SPTBN1: variants seen among roughly 807,000 people sequenced by gnomAD.
The protein encoded by SPTBN1 is spectrin beta, non-erythrocytic 1.
In SPTBN1, 32 loss-of-function variants were observed where a neutral mutation model predicts 266.4. The observed-to-expected ratio is 0.12, with a 90% CI of 0.09 to 0.16. The LOEUF (loss-of-function observed/expected upper bound fraction) is 0.16. SPTBN1 is among the 10% of genes least tolerant of loss of function. The pLI, the probability that SPTBN1 is intolerant of heterozygous loss-of-function variation, is 1.00. For synonymous variants in SPTBN1, 1,336 were observed against 1,162.2 expected (o/e 1.15, Z -3.04); for missense variants, 2,296 against 3,067.1 (o/e 0.75, Z 5.94).
chr2:54,466,465 G>A (rs1347968607), intron 1 of SPTBN1, among the ~76,000 whole-genome samples: 1 of 46,860 alleles, frequency 2.1e-5, no homozygotes, highest in South Asian at 6.1e-4. Context: ...GGGAGGCTGA[G>A]GCAGGAGAAT....
chr2:54,462,937 C>A (rs138320976), intron 1 of SPTBN1, among the ~76,000 whole-genome samples: 1 of 152,316 alleles, frequency 6.6e-6, no homozygotes, highest in South Asian at 2.1e-4. Flanking sequence ...GCAGTAACTA[C>A]CACTCGATTA....
At chr2:54,624,305 A>AT (rs544202390) in intron 10 of SPTBN1, among the ~76,000 whole-genome samples, 59 of 147,534 alleles carry the variant, frequency 4.0e-4, no homozygotes, top group African/African-American at 5.7e-4. Flanking sequence ...GGAAGGTTTG[A>AT]TTTTTTTTTT....
chr2:54,545,519 C>A (rs919140064), intron 2 of SPTBN1: 1 of 152,134 alleles, frequency 6.6e-6, no homozygotes, highest in Admixed American at 6.5e-5. Flanking sequence ...TTTAACAAGC[C>A]TACTATTCTA....
intron 26 of SPTBN1, 106 bp downstream of exon 26, chr2:54,650,095 C>A: frequency 7.0e-7 from 1 of 1,425,752 alleles, no homozygotes; most frequent in Non-Finnish European, 9.4e-7. Flanking sequence ...AAAAGAATTG[C>A]CCCAATTAAG....
intron 1 of SPTBN1, among the ~76,000 whole-genome samples, chr2:54,519,661 G>C (rs2104280671): frequency 6.6e-6 from 1 of 152,282 alleles, no homozygotes; most frequent in East Asian, 1.9e-4. Flanking sequence ...TATTCTGATG[G>C]CATTGGGAGC....
intron 18 of SPTBN1, among the ~76,000 whole-genome samples, chr2:54,642,117 G>T (rs1042343028): frequency 2.0e-5 from 3 of 152,210 alleles, no homozygotes; most frequent in Non-Finnish European, 4.4e-5. Flanking sequence ...AAGCAAATGG[G>T]GCGGGAATCA....
At chr2:54,562,123 C>G (rs2104476644) in intron 2 of SPTBN1, among the ~76,000 whole-genome samples, 1 of 152,216 alleles carries the variant, frequency 6.6e-6, no homozygotes, top group East Asian at 1.9e-4. Context: ...GTTTTTTTCT[C>G]TGTTAAATAA....
intron 32 of SPTBN1, chr2:54,661,670 G>C: frequency 1.0e-6 from 1 of 985,778 alleles, no homozygotes; most frequent in Non-Finnish European, 1.2e-6. Flanking sequence ...GAGCTCTAAT[G>C]TGTGTTTGTG....
At chr2:54,659,062 C>A (rs1210152237) in intron 30 of SPTBN1, 92 bp from the exon 31 acceptor site, 23 of 1,382,476 alleles carry the variant, frequency 1.7e-5, no homozygotes, top group Non-Finnish European at 2.2e-5. Context: ...GTTTAGCAAA[C>A]TAGACAGGAG....
At chr2:54,593,834 T>TC (rs1675852728) in intron 2 of SPTBN1, among the ~76,000 whole-genome samples, 1 of 132,156 alleles carries the variant, frequency 7.6e-6, no homozygotes, top group Non-Finnish European at 1.6e-5. Flanking sequence ...TTTTTTTTTT[T>TC]TTTTTTTTTT....
chr2:54,580,497 T>C (rs908979574), intron 2 of SPTBN1, among the ~76,000 whole-genome samples: 8 of 152,144 alleles, frequency 5.3e-5, no homozygotes, highest in Non-Finnish European at 8.8e-5. Context: ...AGCACAGGTC[T>C]TGTGAATTGG....
chr2:54,486,873 C>T (rs999529341), intron 1 of SPTBN1, among the ~76,000 whole-genome samples: 25 of 152,046 alleles, frequency 1.6e-4, no homozygotes, highest in Admixed American at 6.5e-4. Flanking sequence ...AGAGCCTTGC[C>T]GGGGTCTTCT....
At chr2:54,501,158 T>TG (rs1491565904) in intron 1 of SPTBN1, among the ~76,000 whole-genome samples, 1 of 152,220 alleles carries the variant, frequency 6.6e-6, no homozygotes, top group Non-Finnish European at 1.5e-5. Context: ...AGCAGGACTC[T>TG]GGGGTCCCCA....
intron 2 of SPTBN1, among the ~76,000 whole-genome samples, chr2:54,596,281 T>C (rs527624564): frequency 2.6e-5 from 4 of 152,106 alleles, no homozygotes; most frequent in Non-Finnish European, 5.9e-5. Flanking sequence ...CCAGGATAGG[T>C]GGAACAAAGG....
intron 2 of SPTBN1, among the ~76,000 whole-genome samples, chr2:54,594,566 C>A (rs972937164): frequency 4.6e-5 from 7 of 152,090 alleles, no homozygotes; most frequent in African/African-American, 1.7e-4. Flanking sequence ...GGATTAGATA[C>A]GGAAGGACGA....
intron 2 of SPTBN1, among the ~76,000 whole-genome samples, chr2:54,596,384 C>T (rs1440125169): frequency 1.3e-5 from 2 of 152,340 alleles, no homozygotes; most frequent in East Asian, 1.9e-4. Context: ...ACTTCATAAG[C>T]ATTTGCTGTT....
chr2:54,610,816 C>G (rs1000272978), intron 3 of SPTBN1, among the ~76,000 whole-genome samples: 1 of 152,172 alleles, frequency 6.6e-6, no homozygotes, highest in African/African-American at 2.4e-5. Flanking sequence ...CACTTTGGGT[C>G]TCATGATATT....
chr2:54,596,306 G>T (rs1676089538), intron 2 of SPTBN1, among the ~76,000 whole-genome samples: 1 of 152,210 alleles, frequency 6.6e-6, no homozygotes, highest in Non-Finnish European at 1.5e-5. Context: ...AGTCCCCAAG[G>T]ACCCGAAGCC....
rs1311053804 is a variant in SPTBN1 at position 54,668,857 on chromosome 2, G to C, written c.*288G>C. The C allele has an allele frequency of 2.9e-6, 1 of 341,754 alleles. No homozygotes were observed. Among genetic ancestry groups the C allele is most frequent in the Non-Finnish European group, 5.5e-6 (1 of 182,502 alleles). The allele number at this position is 341,754 out of a possible 1,614,324, so 21.2% of individuals were successfully genotyped here. A position where few individuals can be genotyped will look rare whatever the true frequency, so the allele number is the denominator to read the frequency against. ...AACTGTTCCTCAATTTTGTGAGGCT[G>C]TGTTGGAAATAACCCGCCTCTAGTG... On this transcript the variant is annotated 3_prime_UTR_variant, in exon 36 of 36. Transcript: ENST00000356805.
Sources: allele counts gnomAD v4.1 joint callset (sites outside exome capture counted in the v4.1 genomes callset), GRCh38; gene constraint gnomAD v4.1.1; transcripts MANE v1.5; gene names NCBI Gene and HGNC (gene_info 2026-07-23, HGNC 2026-07-21).